The following CDH13 variants were observed in gnomAD, a reference collection of about 807,000 sequenced individuals.
CDH13 encodes the protein cadherin-13.
In CDH13, 24 loss-of-function variants were observed where a neutral mutation model predicts 63.8. The ratio of observed to expected loss-of-function variants is 0.38; its 90% CI spans 0.27 to 0.53. The LOEUF (loss-of-function observed/expected upper bound fraction) is 0.53, where lower values mean the gene tolerates loss of function less well. CDH13 is among the 20% of genes least tolerant of loss of function. The probability of loss-of-function intolerance (pLI) is 0.85; values close to 1 mark genes in which losing one functional copy is unlikely to be tolerated. For synonymous variants in CDH13, 503 were observed against 355.3 expected, an observed-to-expected ratio of 1.42 and a Z score of -4.67; for missense variants, 1,049 against 903.1, an observed-to-expected ratio of 1.16 and a Z score of -2.07.
intron 8 of CDH13, among the ~76,000 whole-genome samples, chr16:83,633,551 A>G (rs1910970233): frequency 6.6e-6 from 1 of 152,176 alleles, no homozygotes; most frequent in Non-Finnish European, 1.5e-5. Flanking sequence ...GTGTTTTCTA[A>G]TAAGGGTTTT....
chr16:83,654,475 A>T (rs1252934983), intron 8 of CDH13, among the ~76,000 whole-genome samples: 4 of 152,054 alleles, frequency 2.6e-5, no homozygotes, highest in Non-Finnish European at 5.9e-5. Flanking sequence ...GAAAGGACCC[A>T]ACAAGGCAGC....
chr16:83,524,521 C>G (rs570965369), intron 7 of CDH13, among the ~76,000 whole-genome samples: 1 of 135,480 alleles, frequency 7.4e-6, no homozygotes, highest in Non-Finnish European at 1.5e-5. Context: ...GGCGCGCTCT[C>G]GGCTTACTGC....
At chr16:83,565,084 C>G (rs1176804781) in intron 7 of CDH13, among the ~76,000 whole-genome samples, 1 of 152,206 alleles carries the variant, frequency 6.6e-6, no homozygotes, top group Non-Finnish European at 1.5e-5. Flanking sequence ...CTTCCCTGCC[C>G]TACACCTGCC....
intron 6 of CDH13, among the ~76,000 whole-genome samples, chr16:83,369,175 C>T (rs1272662173): frequency 6.6e-6 from 1 of 151,342 alleles, no homozygotes; most frequent in African/African-American, 2.4e-5. Flanking sequence ...TGTTTACATT[C>T]CCACCAAGAA....
intron 5 of CDH13, among the ~76,000 whole-genome samples, chr16:83,300,160 T>C (rs2089699448): frequency 1.3e-5 from 2 of 152,294 alleles, no homozygotes; most frequent in South Asian, 4.1e-4. Flanking sequence ...AGACCATCTT[T>C]GAAGTCAAGG....
chr16:83,512,334 A>AAATG (rs1444670276), intron 7 of CDH13, among the ~76,000 whole-genome samples: 1 of 141,354 alleles, frequency 7.1e-6, no homozygotes, highest in African/African-American at 2.7e-5. Context: ...ATAAATAAAT[A>AAATG]AATAAATAAA....
intron 11 of CDH13, among the ~76,000 whole-genome samples, chr16:83,761,925 G>C (rs1389734814): frequency 6.6e-6 from 1 of 151,614 alleles, no homozygotes; most frequent in African/African-American, 2.4e-5. Flanking sequence ...AAATTAGCCA[G>C]GCGTGGTTGT....
chr16:83,590,056 A>G (rs1271571107), intron 7 of CDH13, among the ~76,000 whole-genome samples: 1 of 152,226 alleles, frequency 6.6e-6, no homozygotes, highest in Non-Finnish European at 1.5e-5. Flanking sequence ...TCAGCTTTAC[A>G]GAATATAACA....
chr16:83,095,667 G>C (rs2034157501), intron 3 of CDH13, among the ~76,000 whole-genome samples: 1 of 152,190 alleles, frequency 6.6e-6, no homozygotes, highest in South Asian at 2.1e-4. Context: ...TAACTTGTTA[G>C]TTGAAGTGAC....
intron 2 of CDH13, among the ~76,000 whole-genome samples, chr16:82,884,735 C>G (rs1394157251): frequency 6.6e-6 from 1 of 152,208 alleles, no homozygotes; most frequent in Non-Finnish European, 1.5e-5. Flanking sequence ...TCTCAGCCAA[C>G]AAGACTTAGG....
chr16:82,706,652 AC>A (rs1247296814), intron 1 of CDH13, among the ~76,000 whole-genome samples: 6 of 151,672 alleles, frequency 4.0e-5, no homozygotes, highest in Admixed American at 1.3e-4. Flanking sequence ...AAAAAAAAAA[AC>A]ATTAGCCAGG....
intron 6 of CDH13, among the ~76,000 whole-genome samples, chr16:83,425,991 A>G (rs939059581): frequency 6.6e-6 from 1 of 152,240 alleles, no homozygotes; most frequent in Non-Finnish European, 1.5e-5. Flanking sequence ...AGTAAATTAA[A>G]TTAGAAATGC....
intron 2 of CDH13, among the ~76,000 whole-genome samples, chr16:82,873,145 A>G (rs950306782): frequency 6.6e-5 from 10 of 152,302 alleles, no homozygotes; most frequent in African/African-American, 2.4e-4. Flanking sequence ...TGAGGTAAAA[A>G]TCAATGGTAT....
At chr16:83,468,904 C>T (rs1309637210) in intron 6 of CDH13, among the ~76,000 whole-genome samples, 2 of 152,200 alleles carry the variant, frequency 1.3e-5, no homozygotes, top group Non-Finnish European at 2.9e-5. Context: ...CCAGTGTAAA[C>T]TTTGATCTCC....
At chr16:82,752,300 C>T (rs8049419) in intron 1 of CDH13, among the ~76,000 whole-genome samples, 2,297 of 152,288 alleles carry the variant, frequency 0.015, 57 homozygotes, top group African/African-American at 0.053. Context: ...GTTCAAAGAG[C>T]CCGCCAATGA....
intron 1 of CDH13, among the ~76,000 whole-genome samples, chr16:82,769,735 C>T (rs78942841): frequency 0.011 from 1,670 of 152,276 alleles, 24 homozygotes; most frequent in African/African-American, 0.038. Context: ...CATGTGCCCA[C>T]CAGGTGGTGA....
intron 1 of CDH13, among the ~76,000 whole-genome samples, chr16:82,722,804 T>G (rs966225493): frequency 1.3e-5 from 2 of 152,196 alleles, no homozygotes; most frequent in Non-Finnish European, 2.9e-5. Context: ...GGGATGCAGA[T>G]ACATACATAT....
chr16:82,996,963 G>T (rs1034799779), intron 2 of CDH13, among the ~76,000 whole-genome samples: 1 of 150,930 alleles, frequency 6.6e-6, no homozygotes, highest in Non-Finnish European at 1.5e-5. Context: ...GATGGTGGTG[G>T]TGGTGGTAAT....
Position 83,228,296 on chromosome 16 carries a change from C to A in CDH13, c.636+10799C>A, listed in dbSNP as rs551163141. Among the ~76,000 whole-genome samples the A allele has an allele frequency of 2.6e-5, 4 of 152,312 alleles. No individual in the cohort carries two copies. In the South Asian group the frequency reaches 8.3e-4, roughly 32 times the overall value. On this transcript the variant is annotated intron_variant, in intron 5 of 13. Coordinates refer to ENST00000567109, the MANE Select transcript of CDH13 (RefSeq NM_001257.5). ...CCTGCTGTGCACAGGACAGTCCCCA[C>A]ACGTCCGCAGGGCCGTGCTCTGCAG...
Sources: allele counts gnomAD v4.1 joint callset (sites outside exome capture counted in the v4.1 genomes callset), GRCh38; gene constraint gnomAD v4.1.1; transcripts MANE v1.5; gene names NCBI Gene and HGNC (gene_info 2026-07-23, HGNC 2026-07-21).